The following CNOT6L variants were observed in gnomAD, a reference collection of about 807,000 sequenced individuals.
CNOT6L encodes CCR4-NOT transcription complex subunit 6 like.
In CNOT6L, 7 loss-of-function variants were observed where a neutral mutation model predicts 64.0. That is an observed-to-expected ratio of 0.11 (90% confidence interval 0.06 to 0.21). The LOEUF (loss-of-function observed/expected upper bound fraction) is 0.21. Among genes scored for constraint, CNOT6L ranks in the 10% least tolerant of loss-of-function variants. The pLI, the probability that CNOT6L is intolerant of heterozygous loss-of-function variation, is 1.00. For missense variants in CNOT6L, 245 were observed against 669.0 expected, an observed-to-expected ratio of 0.37 and a Z score of 6.99; for synonymous variants, 193 against 243.4, an observed-to-expected ratio of 0.79 and a Z score of 1.93.
At chr4:77,792,400 A>T (rs1310791146) in intron 1 of CNOT6L, among the ~76,000 whole-genome samples, 2 of 152,164 alleles carry the variant, frequency 1.3e-5, no homozygotes, top group African/African-American at 4.8e-5. Context: ...TCAAGTAGCT[A>T]TGCTAAACTG....
At chr4:77,795,204 A>C (rs1437851302) in intron 1 of CNOT6L, among the ~76,000 whole-genome samples, 2 of 151,962 alleles carry the variant, frequency 1.3e-5, no homozygotes, top group East Asian at 3.9e-4. Flanking sequence ...TTTTTAGTAG[A>C]GACGGGGTTT....
rs778853656 is a variant in CNOT6L at position 77,726,209 on chromosome 4, T to C, written c.1413A>G (p.Glu471=). The C allele has an allele frequency of 4.2e-5, 67 of 1,613,758 alleles. No homozygotes were observed. The highest frequency in any genetic ancestry group is 5.7e-5 in the Non-Finnish European group (67 of 1,179,798). ...AATTGGTGTAAGGCATCAAGTTATT[T>C]TCATAGGCGCTCTTAAGTTGGAAGC... ...THGFQLKSAY[E]NNLMPYTNYT... The change falls in exon 11 of 12, where the codon GAA becomes GAG. Residue 471 remains glutamate (E), a synonymous_variant. Coordinates refer to ENST00000504123, the MANE Select transcript of CNOT6L (RefSeq NM_144571.3).
chr4:77,754,887 G>GAAAAAAAAAAA (rs1725286474), intron 5 of CNOT6L, among the ~76,000 whole-genome samples: 9 of 12,298 alleles, frequency 7.3e-4, no homozygotes, highest in East Asian at 1.8e-3. Flanking sequence ...AACATTAGAA[G>GAAAAAAAAAAA]TAAAAAAAAA....
At chr4:77,793,681 T>C (rs1236924755) in intron 1 of CNOT6L, among the ~76,000 whole-genome samples, 1 of 152,146 alleles carries the variant, frequency 6.6e-6, no homozygotes, top group Non-Finnish European at 1.5e-5. Context: ...CACTGATTTC[T>C]GAGTGTTGGG....
chr4:77,784,151 G>A (rs970657316), intron 1 of CNOT6L, among the ~76,000 whole-genome samples: 1 of 152,028 alleles, frequency 6.6e-6, no homozygotes, highest in Non-Finnish European at 1.5e-5. Flanking sequence ...CTACCAGGAG[G>A]AAATAAAGGA....
At chr4:77,760,887 T>TTTTTTTTTTTTTTTTTG (rs1726147929) in intron 4 of CNOT6L, among the ~76,000 whole-genome samples, 1 of 100,366 alleles carries the variant, frequency 1.0e-5, no homozygotes, top group African/African-American at 3.4e-5. Context: ...TTTTTTTTTT[T>TTTTTTTTTTTTTTTTTG]TTTTTTTTAA....
chr4:77,786,803 A>G (rs1729501209), intron 1 of CNOT6L, among the ~76,000 whole-genome samples: 1 of 152,000 alleles, frequency 6.6e-6, no homozygotes, highest in South Asian at 2.1e-4. Context: ...AGGAAACAAT[A>G]TGAGGAGAGA....
chr4:77,789,945 C>CAAAAAAA (rs58242121), intron 1 of CNOT6L, among the ~76,000 whole-genome samples: 3 of 83,310 alleles, frequency 3.6e-5, no homozygotes, highest in Admixed American at 1.4e-4. Context: ...GACACTGTCT[C>CAAAAAAA]AAAAAAAAAA....
At chr4:77,760,518 A>C (rs1490591833) in intron 4 of CNOT6L, among the ~76,000 whole-genome samples, 1 of 151,850 alleles carries the variant, frequency 6.6e-6, no homozygotes, top group African/African-American at 2.4e-5. Context: ...TCTAAACTCG[A>C]TAAGAACAAA....
At chr4:77,800,154 A>G (rs560347447) in intron 1 of CNOT6L, among the ~76,000 whole-genome samples, 6 of 152,184 alleles carry the variant, frequency 3.9e-5, no homozygotes, top group Admixed American at 6.6e-5. Context: ...AATCCTTTTC[A>G]TAAAGCTAAT....
chr4:77,746,173 A>T (rs1418409837), intron 6 of CNOT6L, among the ~76,000 whole-genome samples: 7 of 152,254 alleles, frequency 4.6e-5, no homozygotes, highest in Non-Finnish European at 8.8e-5. Flanking sequence ...AAGACTTTGT[A>T]AACTGAGATT....
intron 4 of CNOT6L, among the ~76,000 whole-genome samples, chr4:77,757,360 AATAT>A (rs1725686772): frequency 6.6e-6 from 1 of 152,202 alleles, no homozygotes; most frequent in Non-Finnish European, 1.5e-5. Flanking sequence ...GTCTTCGTAG[AATAT>A]TTATATTACA....
upstream of CNOT6L, chr4:77,819,467 C>A: frequency 6.9e-7 from 1 of 1,459,764 alleles, no homozygotes; most frequent in Non-Finnish European, 9.2e-7. Context: ...CCACGGCGGG[C>A]CTCGCTCCCG....
rs1188248588 is a variant in CNOT6L at position 77,716,707 on chromosome 4, G to A, written c.*3724C>T. 1 of 152,328 alleles carries A rather than the reference G, an allele frequency of 6.6e-6. No homozygotes were observed. The highest frequency in any genetic ancestry group is 1.5e-5 in the Non-Finnish European group (1 of 67,984). The allele number at this position is 152,328 out of a possible 1,614,324, so 9.4% of individuals were successfully genotyped here. ...TCAACTTTCTCCCTTGCTTCTCTGT[G>A]ATTTAATATATAACTTTAAGACACC... On this transcript the variant is annotated 3_prime_UTR_variant, in exon 12 of 12. Coordinates refer to ENST00000504123, the MANE Select transcript of CNOT6L (RefSeq NM_144571.3).
upstream of CNOT6L, among the ~76,000 whole-genome samples, chr4:77,819,996 T>C (rs1378917365): frequency 6.6e-6 from 1 of 152,006 alleles, no homozygotes; most frequent in Admixed American, 6.5e-5. Flanking sequence ...CCGCGGCTAC[T>C]GCTCCGAGAG....
chr4:77,766,544 GA>G (rs71661131), intron 4 of CNOT6L, among the ~76,000 whole-genome samples: 35,736 of 144,076 alleles, frequency 0.25, 5,143 homozygotes, highest in East Asian at 0.48. Context: ...AACTGGAAAA[GA>G]AAAAAAAAAG....
At position 77,716,811 on chromosome 4, in the gene CNOT6L, T is replaced by G. The variant is rs895273767; in HGVS notation, c.*3620A>C. On this transcript the variant is annotated 3_prime_UTR_variant, in exon 12 of 12. Coordinates refer to ENST00000504123, the MANE Select transcript of CNOT6L (RefSeq NM_144571.3). The stretch of plus-strand genomic sequence containing the variant: ...AAACACAGTGGCTTCTTTAATACAT[T>G]CACACAGGATGCTAATTAGTAAAAT... The G allele has an allele frequency of 1.3e-5, 2 of 152,550 alleles. No individual in the cohort carries two copies. The highest frequency in any genetic ancestry group is 4.8e-5 in the African/African-American group (2 of 41,426). 9.4% of individuals were successfully genotyped at this position (152,550 alleles called of 1,614,324 possible).
intron 7 of CNOT6L, among the ~76,000 whole-genome samples, chr4:77,744,255 T>C (rs567381810): frequency 1.3e-5 from 2 of 152,168 alleles, no homozygotes; most frequent in African/African-American, 4.8e-5. Flanking sequence ...ATTTCAGAGA[T>C]GGTTTATAAA....
At chr4:77,803,153 T>C (rs957951455) in intron 1 of CNOT6L, among the ~76,000 whole-genome samples, 3 of 150,414 alleles carry the variant, frequency 2.0e-5, no homozygotes, top group African/African-American at 2.5e-5. Flanking sequence ...AGACACCCAA[T>C]AGAAAAATTT....
Sources: gnomAD v4.1 joint callset for allele counts (sites outside exome capture counted in the v4.1 genomes callset) on GRCh38, gnomAD v4.1.1 for gene constraint, MANE v1.5 for transcripts, NCBI Gene and HGNC (gene_info 2026-07-23, HGNC 2026-07-21) for gene names.